Variants in KCNH7 observed in about 807,000 individuals in gnomAD.
KCNH7 encodes the protein voltage-gated inwardly rectifying potassium channel KCNH7.
In KCNH7, 49 loss-of-function variants were observed where a neutral mutation model predicts 120.8. The ratio of observed to expected loss-of-function variants is 0.41; its 90% CI spans 0.32 to 0.51. The LOEUF is 0.51. Ranked by LOEUF, KCNH7 falls within the 20% of genes least tolerant of loss-of-function variation. KCNH7 has a pLI of 0.38. For synonymous variants in KCNH7, 547 were observed against 516.1 expected, an observed-to-expected ratio of 1.06 and a Z score of -0.81; for missense variants, 1,097 against 1,446.6, an observed-to-expected ratio of 0.76 and a Z score of 3.92.
At chr2:162,372,199 A>G (rs1685975413) in intron 15 of KCNH7, 104 bp from the exon 16 acceptor site, 2 of 941,284 alleles carry the variant, frequency 2.1e-6, no homozygotes, top group Non-Finnish European at 3.1e-6. Context: ...TCATTAATCT[A>G]TATTTGATTA....
At chr2:162,381,141 G>A (rs2105405040) in intron 13 of KCNH7, among the ~76,000 whole-genome samples, 1 of 152,086 alleles carries the variant, frequency 6.6e-6, no homozygotes, top group East Asian at 1.9e-4. Context: ...TAGGAAGGAA[G>A]GACTATCTAA....
intron 2 of KCNH7, among the ~76,000 whole-genome samples, chr2:162,802,875 A>AT (rs1247845316): frequency 1.4e-4 from 21 of 151,764 alleles, no homozygotes; most frequent in African/African-American, 5.1e-4. Flanking sequence ...TATGCTTCAG[A>AT]TTTTTTATTT....
chr2:162,408,818 A>C (rs1687303697), intron 9 of KCNH7, among the ~76,000 whole-genome samples: 1 of 151,914 alleles, frequency 6.6e-6, no homozygotes, highest in Non-Finnish European at 1.5e-5. Flanking sequence ...AAGGAAAAAC[A>C]ATTAAAAAGT....
chr2:162,667,018 C>CTTTTTTTTTTTTTT (rs34213467), intron 2 of KCNH7, among the ~76,000 whole-genome samples: 1 of 124,218 alleles, frequency 8.1e-6, no homozygotes, highest in Non-Finnish European at 1.6e-5. Flanking sequence ...TTTTCTTTTT[C>CTTTTTTTTTTTTTT]TTTTTTTTTT....
chr2:162,518,441 A>G (rs1161232158), intron 3 of KCNH7, among the ~76,000 whole-genome samples: 1 of 151,834 alleles, frequency 6.6e-6, no homozygotes, highest in Non-Finnish European at 1.5e-5. Context: ...TTTTAATAAA[A>G]TAAAAACATT....
chr2:162,818,225 A>G (rs114399951), intron 2 of KCNH7, among the ~76,000 whole-genome samples: 4,220 of 152,100 alleles, frequency 0.028, 70 homozygotes, highest in Non-Finnish European at 0.044. Context: ...ATATCTCAAA[A>G]ATTTATAATT....
At chr2:162,662,106 T>C (rs1196039383) in intron 2 of KCNH7, among the ~76,000 whole-genome samples, 1 of 151,722 alleles carries the variant, frequency 6.6e-6, no homozygotes, top group Non-Finnish European at 1.5e-5. Context: ...TACTAAAAAC[T>C]ACAAAAATTA....
intron 9 of KCNH7, among the ~76,000 whole-genome samples, chr2:162,413,666 G>A (rs950480262): frequency 3.3e-5 from 5 of 151,698 alleles, no homozygotes; most frequent in African/African-American, 4.8e-5. Context: ...ATACCAAATC[G>A]TATAAAAAAA....
At chr2:162,388,919 G>A (rs185171035) in intron 12 of KCNH7, among the ~76,000 whole-genome samples, 245 of 151,954 alleles carry the variant, frequency 1.6e-3, no homozygotes, top group Non-Finnish European at 6.2e-4. Context: ...AGTATATATC[G>A]AAGAGCTCAT....
intron 1 of KCNH7, among the ~76,000 whole-genome samples, chr2:162,837,757 T>C (rs1685714095): frequency 6.6e-6 from 1 of 152,210 alleles, no homozygotes; most frequent in South Asian, 2.1e-4. Context: ...GCATTCAGTC[T>C]TTGTGGGATT....
At chr2:162,785,866 C>T (rs972760605) in intron 2 of KCNH7, among the ~76,000 whole-genome samples, 4 of 152,132 alleles carry the variant, frequency 2.6e-5, no homozygotes, top group Admixed American at 2.6e-4. Context: ...TGAATTGTAA[C>T]TGTACCACTC....
rs182288767 is a variant in KCNH7 at position 162,716,901 on chromosome 2, T to C, written c.307+119636A>G. 6.1e-4 allele frequency among the ~76,000 whole-genome samples: 93 copies of C among 152,316 alleles called. 1 individual carries two copies. Among genetic ancestry groups the C allele is most frequent in the African/African-American group, 2.1e-3 (87 of 41,582 alleles). ...TATATTATTTTCTTATATTTATAAT[T>C]CTGGTTGTTAAAAATGTCTTTAGGG... On this transcript the variant is annotated intron_variant, in intron 2 of 15. Coordinates refer to ENST00000332142, the MANE Select transcript of KCNH7 (RefSeq NM_033272.4).
At chr2:162,487,061 T>A (rs1369310191) in intron 6 of KCNH7, among the ~76,000 whole-genome samples, 1 of 152,174 alleles carries the variant, frequency 6.6e-6, no homozygotes, top group Non-Finnish European at 1.5e-5. Flanking sequence ...CTTAGAGAAC[T>A]TTTACAATCA....
intron 2 of KCNH7, among the ~76,000 whole-genome samples, chr2:162,780,846 T>C (rs565215304): frequency 9.3e-4 from 142 of 152,280 alleles, no homozygotes; most frequent in Middle Eastern, 3.4e-3. Flanking sequence ...GTATACTGTT[T>C]AGAGTATGAT....
rs142639202 is a variant in KCNH7, at chr2:162,520,682, T to A, written c.464-2524A>T. ...CAGTCGGGAGGCTGCAGTGGGAGGA[T>A]AGATTGAGCCTATGAGTTTGAGGCT... On this transcript the variant is annotated intron_variant, in intron 3 of 15. Coordinates refer to ENST00000332142, the MANE Select transcript of KCNH7 (RefSeq NM_033272.4). Among the ~76,000 whole-genome samples the A allele has an allele frequency of 1.3e-4, 20 of 151,966 alleles. No homozygotes were observed. In the East Asian group the frequency reaches 3.5e-3, roughly 27 times the overall value.
At chr2:162,544,167 C>T (rs1329890107) in intron 2 of KCNH7, among the ~76,000 whole-genome samples, 1 of 152,070 alleles carries the variant, frequency 6.6e-6, no homozygotes, top group African/African-American at 2.4e-5. Context: ...TATTTTATCC[C>T]TGTGGATTGT....
intron 2 of KCNH7, among the ~76,000 whole-genome samples, chr2:162,636,619 C>T (rs140501813): frequency 1.9e-4 from 29 of 152,218 alleles, no homozygotes; most frequent in Non-Finnish European, 3.7e-4. Flanking sequence ...TCATCACATA[C>T]TTCATGTCAC....
At chr2:162,425,573 T>C (rs1687832051) in intron 8 of KCNH7, among the ~76,000 whole-genome samples, 1 of 152,264 alleles carries the variant, frequency 6.6e-6, no homozygotes, top group South Asian at 2.1e-4. Flanking sequence ...ATCCTAAATG[T>C]AGTGGGGAAA....
At chr2:162,729,373 T>A (rs1687641226) in intron 2 of KCNH7, among the ~76,000 whole-genome samples, 1 of 152,024 alleles carries the variant, frequency 6.6e-6, no homozygotes, top group East Asian at 1.9e-4. Context: ...TTAGTCAAAT[T>A]TGAAATCAAG....
Sources: gnomAD v4.1 joint callset for allele counts (sites outside exome capture counted in the v4.1 genomes callset) on GRCh38, gnomAD v4.1.1 for gene constraint, MANE v1.5 for transcripts, NCBI Gene and HGNC (gene_info 2026-07-23, HGNC 2026-07-21) for gene names.